The following SEMA3A variants were observed in gnomAD, a reference collection of about 807,000 sequenced individuals.
The protein encoded by SEMA3A is semaphorin-3A.
Under a neutral mutation model 97.9 loss-of-function variants are expected in SEMA3A, and 29 were observed. The observed-to-expected ratio is 0.30, with a 90% confidence interval of 0.22 to 0.40. The LOEUF is 0.40. SEMA3A is among the 10% of genes least tolerant of loss of function. The probability of loss-of-function intolerance (pLI) is 1.00; values close to 1 mark genes in which losing one functional copy is unlikely to be tolerated. For missense variants in SEMA3A, 763 were observed against 951.3 expected, an observed-to-expected ratio of 0.80 and a Z score of 2.60; for synonymous variants, 321 against 323.7, an observed-to-expected ratio of 0.99 and a Z score of 0.09.
At chr7:84,481,679 T>G (rs768510366) in intron 1 of SEMA3A, among the ~76,000 whole-genome samples, 7 of 152,150 alleles carry the variant, frequency 4.6e-5, no homozygotes, top group Non-Finnish European at 1.0e-4. Flanking sequence ...TTTCAGCTAA[T>G]TATATTGCAC....
intron 1 of SEMA3A, among the ~76,000 whole-genome samples, chr7:84,138,481 G>C (rs944819172): frequency 3.3e-5 from 5 of 152,042 alleles, no homozygotes; most frequent in Non-Finnish European, 1.5e-5. Context: ...ATATGTTCCA[G>C]GGTGAATTCT....
At chr7:84,133,784 C>T (rs888075977) in intron 2 of SEMA3A, among the ~76,000 whole-genome samples, 9 of 151,164 alleles carry the variant, frequency 6.0e-5, no homozygotes, top group Admixed American at 4.6e-4. Flanking sequence ...GGCGCGGTGG[C>T]TCACACCTGT....
intron 1 of SEMA3A, among the ~76,000 whole-genome samples, chr7:84,140,899 A>G (rs998461247): frequency 1.3e-5 from 2 of 152,208 alleles, no homozygotes; most frequent in Non-Finnish European, 2.9e-5. Context: ...ATTTTATTTT[A>G]TGAACAAAAT....
rs933990321 is a variant in SEMA3A, at chr7:84,182,728, C to T, written c.112+11747G>A. On this transcript the variant is annotated intron_variant, in intron 1 of 16. Transcript: ENST00000265362. ...TTAAGCAACAGGTCTACAGTTAAGA[C>T]ATTTAGCTTCACCTAAATGAAGGTG... Among the ~76,000 whole-genome samples the T allele has an allele frequency of 7.2e-5, 11 of 152,166 alleles. 1 individual carries two copies. Among genetic ancestry groups the T allele is most frequent in the Admixed American group, 1.3e-4 (2 of 15,278 alleles).
chr7:84,370,026 T>C (rs924255508), intron 2 of SEMA3A, among the ~76,000 whole-genome samples: 5 of 151,306 alleles, frequency 3.3e-5, no homozygotes, highest in Non-Finnish European at 1.5e-5. Flanking sequence ...GGATGTAGAC[T>C]GCTTTTGGAA....
intron 3 of SEMA3A, among the ~76,000 whole-genome samples, chr7:84,281,390 G>C (rs1800436459): frequency 6.6e-6 from 1 of 152,088 alleles, no homozygotes; most frequent in African/African-American, 2.4e-5. Context: ...CATGAGCCAT[G>C]GTAGATTCAA....
rs79532370 is a variant in SEMA3A, at chr7:84,253,003, C to T, written c.-83+54204G>A. Among the ~76,000 whole-genome samples the T allele has an allele frequency of 2.2e-4, 33 of 152,152 alleles. No homozygotes were observed. The East Asian group carries it at 6.0e-3, about 28-fold the overall frequency. On this transcript the variant is annotated intron_variant, in intron 3 of 3. Transcript: ENST00000424555. The stretch of plus-strand genomic sequence containing the variant: ...AAGTGATTCTCCTGCCTCAGCCTGC[C>T]GAGTAGCTGGGACTACAGGCGTGTG...
At chr7:84,067,248 T>C (rs1373904971) in intron 4 of SEMA3A, among the ~76,000 whole-genome samples, 2 of 152,042 alleles carry the variant, frequency 1.3e-5, no homozygotes, top group East Asian at 3.8e-4. Context: ...GATCCCTTCC[T>C]TACACCTTAT....
chr7:84,212,739 C>A (rs1451451608), intron 3 of SEMA3A, among the ~76,000 whole-genome samples: 1 of 152,118 alleles, frequency 6.6e-6, no homozygotes, highest in Non-Finnish European at 1.5e-5. Context: ...GGTGTGGAAA[C>A]CAGCTTTTTC....
At chr7:84,067,319 C>G (rs1793551933) in intron 4 of SEMA3A, among the ~76,000 whole-genome samples, 1 of 152,088 alleles carries the variant, frequency 6.6e-6, no homozygotes, top group Non-Finnish European at 1.5e-5. Context: ...CATAAAAACC[C>G]TAGAAGAAAA....
chr7:84,063,400 CG>C (rs1793337936), intron 4 of SEMA3A, among the ~76,000 whole-genome samples: 1 of 151,040 alleles, frequency 6.6e-6, no homozygotes, highest in South Asian at 2.1e-4. Flanking sequence ...TCACCAGCAA[CG>C]GAACAAAGCT....
intron 1 of SEMA3A, among the ~76,000 whole-genome samples, chr7:84,447,348 GAAGCCCCACCTTC>G (rs1805442958): frequency 6.6e-6 from 1 of 152,160 alleles, no homozygotes; most frequent in African/African-American, 2.4e-5. Flanking sequence ...CGGTCCTGGT[GAAGCCCCACCTTC>G]AAGCCAGGGA....
In SEMA3A at chr7:84,001,953, A is replaced by C. The variant is rs1217807585; in HGVS notation, c.1452+2T>G. On this transcript the variant is annotated splice_donor_variant, in intron 12 of 16. Transcript: ENST00000265362. LOFTEE classifies it high-confidence loss of function. Reference sequence around the variant, plus strand: ...TGACACTTGAAATTAAGCAGCACTCACCCGAAAAACTGTCATTTCTTCCAG... The same window carrying C: ...TGACACTTGAAATTAAGCAGCACTCCCCCGAAAAACTGTCATTTCTTCCAG... 3 of 1,605,408 alleles carry C rather than the reference A, an allele frequency of 1.9e-6. No individual in the cohort carries two copies. The highest frequency in any genetic ancestry group is 2.6e-6 in the Non-Finnish European group (3 of 1,172,892).
At chr7:84,266,370 A>G (rs1406072134) in intron 3 of SEMA3A, among the ~76,000 whole-genome samples, 3 of 151,874 alleles carry the variant, frequency 2.0e-5, no homozygotes, top group African/African-American at 7.3e-5. Context: ...ACAGTAGCAG[A>G]ATAAACAAGA....
chr7:84,206,440 A>G (rs1798496346), intron 3 of SEMA3A, among the ~76,000 whole-genome samples: 3 of 150,580 alleles, frequency 2.0e-5, no homozygotes, highest in Admixed American at 6.7e-5. Context: ...CTCCTGCCTC[A>G]GCCTCCCAAG....
intron 1 of SEMA3A, among the ~76,000 whole-genome samples, chr7:84,392,493 A>G (rs1228858661): frequency 6.6e-6 from 1 of 152,174 alleles, no homozygotes. Context: ...GATTGATTCC[A>G]TACCTTGGCT....
intron 1 of SEMA3A, among the ~76,000 whole-genome samples, chr7:84,406,114 G>T (rs1218357522): frequency 6.6e-6 from 1 of 152,074 alleles, no homozygotes; most frequent in Non-Finnish European, 1.5e-5. Flanking sequence ...CCAGGAGCTG[G>T]TTTTTTGAAA....
intron 6 of SEMA3A, among the ~76,000 whole-genome samples, chr7:84,027,334 C>T (rs58214104): frequency 0.05 from 7,592 of 152,188 alleles, 634 homozygotes; most frequent in African/African-American, 0.17. Context: ...TACCAAGAAT[C>T]ATGACAATTT....
chr7:83,990,324 T>G (rs949273075), intron 12 of SEMA3A, among the ~76,000 whole-genome samples: 104 of 152,252 alleles, frequency 6.8e-4, no homozygotes, highest in African/African-American at 2.3e-3. Context: ...TTAGTTTAAT[T>G]AGATCCCATT....
Sources: gnomAD v4.1 joint callset for allele counts (sites outside exome capture counted in the v4.1 genomes callset) on GRCh38, gnomAD v4.1.1 for gene constraint, MANE v1.5 for transcripts, NCBI Gene and HGNC (gene_info 2026-07-23, HGNC 2026-07-21) for gene names.